Variants in BTNL3 observed in about 807,000 individuals in gnomAD.
BTNL3 encodes butyrophilin like 3.
BTNL3 carries 20 observed loss-of-function variants against 40.1 expected under a neutral mutation model. The ratio of observed to expected loss-of-function variants is 0.50; its 90% confidence interval spans 0.35 to 0.72. BTNL3 has a LOEUF of 0.72. Among genes scored for constraint, BTNL3 ranks in the 30% least tolerant of loss-of-function variants. The pLI is 0.01. For synonymous variants in BTNL3, 179 were observed against 222.1 expected (o/e 0.81, Z 1.73); for missense variants, 449 against 582.2 (o/e 0.77, Z 2.35).
At position 181,003,443 on chromosome 5, in the gene BTNL3, G is replaced by T. The variant is rs191330241; in HGVS notation, c.788-413G>T. The stretch of plus-strand genomic sequence containing the variant: ...AGAGACAATAAGAAAATTTCAGGGT[G>T]GTTGCAAAGACTTCATAGAAGAGGA... On this transcript the variant is annotated intron_variant, in intron 4 of 7. Coordinates refer to ENST00000342868, the MANE Select transcript of BTNL3 (RefSeq NM_197975.3). Among the ~76,000 whole-genome samples, 294 of 136,806 alleles carry T rather than the reference G, an allele frequency of 2.1e-3. 36 individuals are homozygous for T. The highest frequency in any genetic ancestry group is 7.1e-3 in the African/African-American group (283 of 39,864). The allele number at this position is 136,806 out of a possible 152,430, so 89.8% of individuals were successfully genotyped here.
intron 3 of BTNL3, among the ~76,000 whole-genome samples, chr5:180,999,673 G>C (rs544786155): frequency 3.7e-5 from 5 of 136,134 alleles, no homozygotes; most frequent in African/African-American, 1.3e-4. Context: ...GGTGGTGTGT[G>C]TCTGTAATCC....
rs1246061796 is a variant in BTNL3 at position 180,997,260 on chromosome 5, G to A, written c.445G>A (p.Gly149Ser). 1 of 1,464,540 alleles carries A rather than the reference G, an allele frequency of 6.8e-7. No individual in the cohort carries two copies. Among genetic ancestry groups the A allele is most frequent in the Non-Finnish European group, 9.4e-7 (1 of 1,059,454 alleles). The allele number at this position is 1,464,540 out of a possible 1,614,324, so 90.7% of individuals were successfully genotyped here. A position where few individuals can be genotyped will look rare whatever the true frequency, so the allele number is the denominator to read the frequency against. ...LISIVGYVDG[G>S]IQLLCLSSGW... is the part of the protein sequence containing the mutation. ...TTCCATCGTGGGATATGTTGACGGA[G>A]GTATCCAGTTACTCTGCCTGTCCTC... Residue 149 changes from glycine (G) to serine (S), a missense_variant, in exon 3 of 8, where the codon GGT (glycine) becomes AGT (serine). By Grantham distance (56) the Gly-to-Ser change is moderately conservative. This residue lies in a region of BTNL3 where 323 missense variants were observed against 464.9 expected (regional missense o/e 0.69). Transcript: ENST00000342868.
intron 7 of BTNL3, 101 bp downstream of exon 7, chr5:181,004,863 C>G (rs1169243091): frequency 1.9e-6 from 3 of 1,604,848 alleles, no homozygotes; most frequent in South Asian, 1.1e-5. Flanking sequence ...CTGTGATGCC[C>G]GAATCCACCC....
In BTNL3 at chr5:180,991,945, TATA is replaced by T. The variant is rs1759976226; in HGVS notation, c.50-865_50-863del. The stretch of plus-strand genomic sequence containing the variant: ...AATGAAAAAAAATCACAAAAAATCT[TATA>T]ATGTTTTAAGAAAGTTTAAGAATTT... On this transcript the variant is annotated intron_variant, in intron 1 of 7. Transcript: ENST00000342868. Among the ~76,000 whole-genome samples the T allele has an allele frequency of 1.5e-5, 2 of 137,662 alleles. 1 individual carries two copies. The highest frequency in any genetic ancestry group is 3.3e-5 in the Non-Finnish European group (2 of 60,106). 90.3% of individuals were successfully genotyped at this position (137,662 alleles called of 152,430 possible). A position where few individuals can be genotyped will look rare whatever the true frequency, so the allele number is the denominator to read the frequency against.
chr5:181,003,875 G>T lies in BTNL3; in HGVS notation c.807G>T (p.Leu269=), dbSNP rs1241641245. The part of the protein sequence containing the change: ...FKSKGKIQAE[L]DWRRKHGQAE... ...TTTCAGGGAAAATCCAGGCGGAACT[G>T]GGTATGTGTCATGTCCTGAGCCTCC... The change falls in exon 5 of 8, where the codon CTG becomes CTT. Residue 269 remains leucine, a splice_region_variant and synonymous_variant. Coordinates refer to ENST00000342868, the MANE Select transcript of BTNL3 (RefSeq NM_197975.3). 2 of 1,613,624 alleles carry T rather than the reference G, an allele frequency of 1.2e-6. No homozygotes were observed. Among genetic ancestry groups the T allele is most frequent in the Non-Finnish European group, 1.7e-6 (2 of 1,180,034 alleles).
rs995404278 is a variant in BTNL3 at position 180,996,534 on chromosome 5, G to A, written c.398-679G>A. ...AGGTCAGTGAAGGTATGACCTCCACGGCTTGCCTTGTGCCTTTTTCAGATC... is the reference window on the plus strand; with the variant it reads ...AGGTCAGTGAAGGTATGACCTCCACAGCTTGCCTTGTGCCTTTTTCAGATC... On this transcript the variant is annotated intron_variant, in intron 2 of 7. Coordinates refer to ENST00000342868, the MANE Select transcript of BTNL3 (RefSeq NM_197975.3). 2.9e-5 allele frequency among the ~76,000 whole-genome samples: 4 copies of A among 136,572 alleles called. 1 individual carries two copies. The highest frequency in any genetic ancestry group is 2.3e-4 in the Admixed American group (3 of 12,940). The allele number at this position is 136,572 out of a possible 152,430, so 89.6% of individuals were successfully genotyped here. A position where few individuals can be genotyped will look rare whatever the true frequency, so the allele number is the denominator to read the frequency against.
intron 4 of BTNL3, among the ~76,000 whole-genome samples, 165 bp downstream of exon 4, chr5:181,002,950 G>T (rs1207354963): frequency 7.3e-6 from 1 of 136,174 alleles, no homozygotes; most frequent in African/African-American, 2.5e-5. Context: ...CTCTGTGCTG[G>T]CCTGAAATGG....
At chr5:180,990,467 C>T (rs1759954840) in intron 1 of BTNL3, among the ~76,000 whole-genome samples, 1 of 137,916 alleles carries the variant, frequency 7.3e-6, no homozygotes, top group South Asian at 2.1e-4. Flanking sequence ...TGCGTGAACT[C>T]GTGCATGTAG....
At chr5:180,994,941 A>G (rs1306094268) in intron 2 of BTNL3, among the ~76,000 whole-genome samples, 1 of 134,378 alleles carries the variant, frequency 7.4e-6, no homozygotes, top group African/African-American at 2.6e-5. Flanking sequence ...ACCTGCCACC[A>G]CGCCCGGCTA....
chr5:181,004,171 G>T (rs1760173936), intron 5 of BTNL3, among the ~76,000 whole-genome samples: 1 of 151,552 alleles, frequency 6.6e-6, no homozygotes, highest in Non-Finnish European at 1.5e-5. Context: ...GAGGGTGTCT[G>T]GGCCACAGTG....
In BTNL3 at chr5:181,005,598, G is replaced by A. The variant is rs374982974; in HGVS notation, c.1127G>A (p.Gly376Glu). 5.0e-6 allele frequency: 8 copies of A among 1,613,910 alleles called. No individual in the cohort carries two copies. Among genetic ancestry groups the A allele is most frequent in the Middle Eastern group, 1.7e-4 (1 of 6,060 alleles). ...AATGTGACTTTGTCTCCCAACAATGGGTATTGGGTCCTCAGACTGACAACA... is the reference window on the plus strand; with the variant it reads ...AATGTGACTTTGTCTCCCAACAATGAGTATTGGGTCCTCAGACTGACAACA... ...KNNVTLSPNN[G>E]YWVLRLTTEH... is the part of the protein sequence containing the mutation. Residue 376 changes from glycine (G) to glutamate (E), a missense_variant, in exon 8 of 8, where the codon GGG (glycine) becomes GAG (glutamate). Gly to Glu is a moderately conservative substitution (Grantham distance 98). Around this residue, in one of 2 missense-constraint regions of BTNL3, gnomAD observed 126 missense variants for 117.2 expected, o/e 1.07. Coordinates refer to ENST00000342868, the MANE Select transcript of BTNL3 (RefSeq NM_197975.3).
chr5:181,000,722 C>T (rs1360478081), intron 3 of BTNL3, among the ~76,000 whole-genome samples: 1 of 133,190 alleles, frequency 7.5e-6, no homozygotes, highest in East Asian at 2.2e-4. Context: ...AGGAGAATGG[C>T]GTGAACCCGG....
In BTNL3 at chr5:181,005,763, C is replaced by A. The variant is rs1215128014; in HGVS notation, c.1292C>A (p.Thr431Asn). 1.5e-5 allele frequency: 25 copies of A among 1,614,008 alleles called. No homozygotes were observed. The highest frequency in any genetic ancestry group is 1.8e-5 in the Non-Finnish European group (21 of 1,180,024). Residue 431 changes from threonine to asparagine, a missense_variant, in exon 8 of 8, where the codon ACC becomes AAC. Thr to Asn is a moderately conservative substitution (Grantham distance 65). Transcript: ENST00000342868. ...FNTNDQSLIY[T>N]LLTCQFEGLL... is the part of the protein sequence containing the mutation. ...ACAAATGACCAGTCCCTTATTTATA[C>A]CCTGCTGACATGTCAGTTTGAAGGC... is the stretch of plus-strand genomic sequence containing the variant.
Position 181,002,727 on chromosome 5 carries a change from C to A in BTNL3, c.729C>A (p.Leu243=). The A allele has an allele frequency of 6.9e-7, 1 of 1,456,440 alleles. No individual in the cohort carries two copies. Among genetic ancestry groups the A allele is most frequent in the South Asian group, 1.1e-5 (1 of 89,182 alleles). 90.2% of individuals were successfully genotyped at this position (1,456,440 alleles called of 1,614,324 possible). Residue 243 remains leucine, a synonymous_variant, in exon 4 of 8, where the codon CTC becomes CTA. Coordinates refer to ENST00000342868, the MANE Select transcript of BTNL3 (RefSeq NM_197975.3). ...WRLASILLGL[L]CGALCGVVMG... ...TGGCTTCTATTTTACTCGGGTTACT[C>A]TGTGGTGCCCTGTGTGGTGTTGTCA...
rs750286963 is a variant in BTNL3 at position 181,005,895 on chromosome 5, G to A, written c.*23G>A. 6.5e-5 allele frequency: 102 copies of A among 1,564,940 alleles called. No individual in the cohort carries two copies. The East Asian group carries it at 6.7e-4, about 10-fold the overall frequency. ...TGAGACAGAGAAGACCCTGCTTAAAGGGCCCCACACCACAGACCCAGACAC... is the reference window on the plus strand; with the variant it reads ...TGAGACAGAGAAGACCCTGCTTAAAAGGCCCCACACCACAGACCCAGACAC... On this transcript the variant is annotated 3_prime_UTR_variant, in exon 8 of 8. Coordinates refer to ENST00000342868, the MANE Select transcript of BTNL3 (RefSeq NM_197975.3).
Position 180,993,251 on chromosome 5 carries a change from A to G in BTNL3, c.397+91A>G. ...TATTTCAGATAATGAAATAAAACAG[A>G]CTTTCCAGATTCTGACATGATGTAA... On this transcript the variant is annotated intron_variant, in intron 2 of 7. Coordinates refer to ENST00000342868, the MANE Select transcript of BTNL3 (RefSeq NM_197975.3). 8 of 1,339,948 alleles carry G rather than the reference A, an allele frequency of 6.0e-6. 2 individuals are homozygous for G. Among genetic ancestry groups the G allele is most frequent in the Non-Finnish European group, 8.0e-6 (8 of 999,428 alleles). 83.0% of individuals were successfully genotyped at this position (1,339,948 alleles called of 1,614,324 possible).
In BTNL3 at chr5:180,997,066, A is replaced by G. The variant is rs945078503; in HGVS notation, c.398-147A>G. 3.4e-5 allele frequency: 39 copies of G among 1,153,652 alleles called. 9 individuals are homozygous for G. The highest frequency in any genetic ancestry group is 4.3e-5 in the Non-Finnish European group (35 of 816,010). 71.5% of individuals were successfully genotyped at this position (1,153,652 alleles called of 1,614,324 possible). A position where few individuals can be genotyped will look rare whatever the true frequency, so the allele number is the denominator to read the frequency against. On this transcript the variant is annotated intron_variant, in intron 2 of 7. Transcript: ENST00000342868. Reference sequence around the variant, plus strand: ...AGAAAAAGATGTGTGTGTAAGAGACAGAGAGAAAAGGATGTGTGTGTGTGA... The same window carrying G: ...AGAAAAAGATGTGTGTGTAAGAGACGGAGAGAAAAGGATGTGTGTGTGTGA...
chr5:181,004,676 T>C, intron 6 of BTNL3, 60 bp from the exon 7 acceptor site: 1 of 1,613,850 alleles, frequency 6.2e-7, no homozygotes, highest in South Asian at 1.1e-5. Flanking sequence ...CTTTCCCTTC[T>C]CCCTGCGCCC....
rs767677836 is a variant in BTNL3 at position 181,005,951 on chromosome 5, C to T, written c.*79C>T. 5 of 1,427,860 alleles carry T rather than the reference C, an allele frequency of 3.5e-6. No homozygotes were observed. The highest frequency in any genetic ancestry group is 4.7e-6 in the Non-Finnish European group (5 of 1,071,160). 88.4% of individuals were successfully genotyped at this position (1,427,860 alleles called of 1,614,324 possible). On this transcript the variant is annotated 3_prime_UTR_variant, in exon 8 of 8. Coordinates refer to ENST00000342868, the MANE Select transcript of BTNL3 (RefSeq NM_197975.3). ...AGGGAGAGTGCTCCCGACAGGTGGC[C>T]CCAGCTTCCTCTCCGGAGCCTGCGC...
Sources: gnomAD v4.1 joint callset for allele counts (sites outside exome capture counted in the v4.1 genomes callset) on GRCh38, gnomAD v4.1.1 for gene constraint, gnomAD v4.1.1 regional missense constraint, MANE v1.5 for transcripts, NCBI Gene and HGNC (gene_info 2026-07-23, HGNC 2026-07-21) for gene names.